Variants in MEOX1 observed in about 807,000 individuals in gnomAD.
The protein encoded by MEOX1 is mesenchyme homeobox 1.
A neutral mutation model predicts 23.2 loss-of-function variants in MEOX1; 17 were observed. The ratio of observed to expected loss-of-function variants is 0.73; its 90% CI spans 0.50 to 1.10. The LOEUF is 1.10. Among genes scored for constraint, MEOX1 ranks in the 50% least tolerant of loss-of-function variants. MEOX1 has a pLI of 0.00. For synonymous variants in MEOX1, 134 were observed against 135.1 expected, an observed-to-expected ratio of 0.99 and a Z score of 0.06; for missense variants, 333 against 332.2, an observed-to-expected ratio of 1.00 and a Z score of -0.02.
intron 1 of MEOX1, among the ~76,000 whole-genome samples, chr17:43,649,948 C>T (rs2154588870): frequency 6.6e-6 from 1 of 152,302 alleles, no homozygotes; most frequent in South Asian, 2.1e-4. Context: ...ATGTAGCTGC[C>T]ACATTTGGCA....
intron 1 of MEOX1, among the ~76,000 whole-genome samples, chr17:43,648,622 T>C (rs1315809255): frequency 1.3e-5 from 2 of 152,176 alleles, no homozygotes; most frequent in African/African-American, 2.4e-5. Flanking sequence ...CGGATTCTGT[T>C]TCTGCCAGGG....
Position 43,655,484 on chromosome 17 carries a change from GAAGA to G in MEOX1, c.469+5578_469+5581del, listed in dbSNP as rs1598266253. 6.7e-5 allele frequency among the ~76,000 whole-genome samples: 10 copies of G among 148,942 alleles called. No homozygotes were observed. The South Asian group carries it at 2.1e-3, about 32-fold the overall frequency. The stretch of plus-strand genomic sequence containing the variant: ...GACTCCGTCTCAAAAAAAAAAAAAA[GAAGA>G]AAGAAATTTGGTATATCCATACAAT... On this transcript the variant is annotated intron_variant, in intron 1 of 2. Coordinates refer to ENST00000318579, the MANE Select transcript of MEOX1 (RefSeq NM_004527.4).
At chr17:43,653,747 A>G (rs913123366) in intron 1 of MEOX1, among the ~76,000 whole-genome samples, 3 of 151,192 alleles carry the variant, frequency 2.0e-5, no homozygotes, top group Non-Finnish European at 4.4e-5. Context: ...TGAGCTCATG[A>G]TCCGCCCACC....
intron 1 of MEOX1, among the ~76,000 whole-genome samples, chr17:43,656,776 C>T (rs1160316156): frequency 6.6e-6 from 1 of 152,104 alleles, no homozygotes; most frequent in African/African-American, 2.4e-5. Context: ...CCTTCATTCC[C>T]ATAAATTAAA....
chr17:43,644,919 A>C (rs1972774206), intron 1 of MEOX1, among the ~76,000 whole-genome samples: 1 of 152,184 alleles, frequency 6.6e-6, no homozygotes, highest in Non-Finnish European at 1.5e-5. Context: ...ACGTCTTGAA[A>C]AAAAAATTTA....
In MEOX1 at chr17:43,641,687, G is replaced by A. The variant is rs1487839433; in HGVS notation, c.*223C>T. The A allele has an allele frequency of 2.0e-6, 1 of 493,314 alleles. No individual in the cohort carries two copies. Among genetic ancestry groups the A allele is most frequent in the Non-Finnish European group, 3.6e-6 (1 of 278,934 alleles). 30.6% of individuals were successfully genotyped at this position (493,314 alleles called of 1,614,324 possible). A position where few individuals can be genotyped will look rare whatever the true frequency, so the allele number is the denominator to read the frequency against. On this transcript the variant is annotated 3_prime_UTR_variant, in exon 3 of 3. Transcript: ENST00000318579. The stretch of plus-strand genomic sequence containing the variant: ...GATCTCTGTCTGATTCCATGAGAGT[G>A]TGGGAGCAAAGGCCCTAGGGAAGAG...
At chr17:43,653,915 C>G (rs1212043989) in intron 1 of MEOX1, among the ~76,000 whole-genome samples, 1 of 152,134 alleles carries the variant, frequency 6.6e-6, no homozygotes, top group African/African-American at 2.4e-5. Flanking sequence ...CTCTACCAGC[C>G]GACAGGACCC....
chr17:43,642,623 A>G (rs1341465828), intron 2 of MEOX1, among the ~76,000 whole-genome samples: 1 of 152,096 alleles, frequency 6.6e-6, no homozygotes, highest in African/African-American at 2.4e-5. Flanking sequence ...TACGGTTATT[A>G]TTACTATTAT....
intron 1 of MEOX1, among the ~76,000 whole-genome samples, chr17:43,657,624 C>A (rs1314765975): frequency 6.6e-6 from 1 of 152,166 alleles, no homozygotes; most frequent in Admixed American, 6.5e-5. Context: ...CTTTCCATTT[C>A]TGGAGGCTTC....
chr17:43,655,877 T>C (rs1211324831), intron 1 of MEOX1, among the ~76,000 whole-genome samples: 1 of 152,170 alleles, frequency 6.6e-6, no homozygotes, highest in East Asian at 1.9e-4. Context: ...AAGGTCGTTG[T>C]TTAATGGAGA....
intron 1 of MEOX1, among the ~76,000 whole-genome samples, chr17:43,660,592 G>T (rs1973117434): frequency 6.6e-6 from 1 of 152,188 alleles, no homozygotes; most frequent in Non-Finnish European, 1.5e-5. Context: ...CTTGGCTTTG[G>T]GTGGCCACCC....
chr17:43,659,976 A>G (rs971236938), intron 1 of MEOX1, among the ~76,000 whole-genome samples: 11 of 152,354 alleles, frequency 7.2e-5, no homozygotes, highest in African/African-American at 2.6e-4. Flanking sequence ...AGCACAAAGC[A>G]TTCCCACCTG....
chr17:43,649,290 C>CTTTTT lies in MEOX1; in HGVS notation c.470-5635_470-5631dup, dbSNP rs10694288. Among the ~76,000 whole-genome samples the CTTTTT allele has an allele frequency of 9.8e-3, 843 of 86,240 alleles. 11 individuals are homozygous for CTTTTT. The highest frequency in any genetic ancestry group is 0.014 in the Non-Finnish European group (668 of 47,558). The allele number at this position is 86,240 out of a possible 152,430, so 56.6% of individuals were successfully genotyped here. Reference sequence around the variant, plus strand: ...ATCTTTTAAATGTCTGGCCTTTCAGCTTTTTTTTTTTTTTTTTTTTTTTTG... The same window carrying CTTTTT: ...ATCTTTTAAATGTCTGGCCTTTCAGCTTTTTTTTTTTTTTTTTTTTTTTTTTTTTG... On this transcript the variant is annotated intron_variant, in intron 1 of 2. Transcript: ENST00000318579.
intron 1 of MEOX1, among the ~76,000 whole-genome samples, chr17:43,645,248 C>A (rs1040165384): frequency 3.4e-5 from 5 of 145,542 alleles, no homozygotes; most frequent in African/African-American, 1.3e-4. Flanking sequence ...GCGATCTCGG[C>A]TCACTGCAAG....
intron 1 of MEOX1, among the ~76,000 whole-genome samples, chr17:43,654,374 G>A (rs1415767900): frequency 1.3e-5 from 2 of 152,118 alleles, no homozygotes; most frequent in Non-Finnish European, 2.9e-5. Context: ...CAGGTGTGGT[G>A]GCACACGCCT....
intron 1 of MEOX1, 84 bp from the exon 2 acceptor site, chr17:43,643,744 T>G (rs1972749282): frequency 9.9e-7 from 1 of 1,005,934 alleles, no homozygotes; most frequent in Non-Finnish European, 1.4e-6. Flanking sequence ...AACTAGGCAG[T>G]CTTTACCAGT....
At chr17:43,660,145 C>T (rs577420060) in intron 1 of MEOX1, among the ~76,000 whole-genome samples, 4 of 152,252 alleles carry the variant, frequency 2.6e-5, no homozygotes, top group African/African-American at 4.8e-5. Flanking sequence ...TGAACGAGGC[C>T]GGGACAAGGA....
intron 1 of MEOX1, 149 bp downstream of exon 1, chr17:43,660,917 A>G: frequency 2.0e-6 from 1 of 499,462 alleles, no homozygotes. Flanking sequence ...CTCTCAGTGG[A>G]AGAAACCCCA....
At chr17:43,653,560 G>A (rs1972958241) in intron 1 of MEOX1, among the ~76,000 whole-genome samples, 1 of 144,690 alleles carries the variant, frequency 6.9e-6, no homozygotes. Flanking sequence ...ACCCAGGCTG[G>A]AGTGCAATGG....
Sources: gnomAD v4.1 joint callset for allele counts (sites outside exome capture counted in the v4.1 genomes callset) on GRCh38, gnomAD v4.1.1 for gene constraint, MANE v1.5 for transcripts, NCBI Gene and HGNC (gene_info 2026-07-23, HGNC 2026-07-21) for gene names.